Variants in CCDC88A observed in about 807,000 individuals in gnomAD.
CCDC88A encodes the protein girdin.
A neutral mutation model predicts 234.3 loss-of-function variants in CCDC88A; 54 were observed. The ratio of observed to expected loss-of-function variants is 0.23; its 90% CI spans 0.19 to 0.29. The LOEUF (loss-of-function observed/expected upper bound fraction) is 0.29. CCDC88A is among the 10% of genes least tolerant of loss of function. CCDC88A has a pLI of 1.00. For synonymous variants in CCDC88A, 753 were observed against 737.8 expected (o/e 1.02, Z -0.33); for missense variants, 1,832 against 2,123.4 (o/e 0.86, Z 2.70).
In CCDC88A at chr2:55,292,134, A is replaced by G. The variant is rs911044104; in HGVS notation, c.5552-359T>C. On this transcript the variant is annotated intron_variant, in intron 31 of 32. Transcript: ENST00000436346. ...GAATGAAGTATTTGTATTATTTACT[A>G]AGAAAACCAGGGCTTGATGCATATT... 4 of 163,316 alleles carry G rather than the reference A, an allele frequency of 2.4e-5. No individual in the cohort carries two copies. The East Asian group carries it at 5.2e-4, about 21-fold the overall frequency. 10.1% of individuals were successfully genotyped at this position (163,316 alleles called of 1,614,324 possible). A position where few individuals can be genotyped will look rare whatever the true frequency, so the allele number is the denominator to read the frequency against.
chr2:55,327,023 G>A (rs1406634960), intron 17 of CCDC88A, among the ~76,000 whole-genome samples: 3 of 152,140 alleles, frequency 2.0e-5, no homozygotes, highest in Admixed American at 2.0e-4. Flanking sequence ...CAACAAGCAG[G>A]TTAATGTGTT....
chr2:55,415,505 T>C (rs1449856151), intron 2 of CCDC88A, among the ~76,000 whole-genome samples: 1 of 152,186 alleles, frequency 6.6e-6, no homozygotes, highest in Non-Finnish European at 1.5e-5. Flanking sequence ...TCCAGCATTA[T>C]GGCCTTGAAA....
At chr2:55,380,156 A>C (rs1674362509) in intron 3 of CCDC88A, among the ~76,000 whole-genome samples, 1 of 151,370 alleles carries the variant, frequency 6.6e-6, no homozygotes, top group Non-Finnish European at 1.5e-5. Flanking sequence ...GAATCACTTG[A>C]ACTTGGGAGA....
intron 8 of CCDC88A, chr2:55,355,250 T>C (rs979290335): frequency 2.4e-5 from 6 of 246,144 alleles, no homozygotes; most frequent in Non-Finnish European, 3.9e-5. Flanking sequence ...ATTAGACTTA[T>C]TGATCTCCAT....
At chr2:55,337,516 G>C (rs1667947841) in intron 13 of CCDC88A, 1 of 152,116 alleles carries the variant, frequency 6.6e-6, no homozygotes, top group Non-Finnish European at 1.5e-5. Context: ...TCTACTGCAA[G>C]TTAAATGTTA....
chr2:55,301,571 T>G lies in CCDC88A; in HGVS notation c.4673-294A>C, dbSNP rs539789058. 33 of 513,216 alleles carry G rather than the reference T, an allele frequency of 6.4e-5. No homozygotes were observed. In the East Asian group the frequency reaches 9.8e-4, roughly 15 times the overall value. 31.8% of individuals were successfully genotyped at this position (513,216 alleles called of 1,614,324 possible). On this transcript the variant is annotated intron_variant, in intron 27 of 32. Coordinates refer to ENST00000436346, the MANE Select transcript of CCDC88A (RefSeq NM_001365480.1). The stretch of plus-strand genomic sequence containing the variant: ...TAGGTAGTTCTGTTGGAAGTTGTAG[T>G]GCTTTTAGTTTTTAGAAAACTAGCA...
chr2:55,383,818 C>T (rs1675009048), intron 3 of CCDC88A, among the ~76,000 whole-genome samples: 1 of 151,966 alleles, frequency 6.6e-6, no homozygotes, highest in South Asian at 2.1e-4. Context: ...TATTAACTTG[C>T]AATGTGTCAT....
At chr2:55,345,980 G>T in intron 10 of CCDC88A, 195 bp downstream of exon 10, 1 of 416,302 alleles carries the variant, frequency 2.4e-6, no homozygotes. Flanking sequence ...AATAAAATTA[G>T]TAATATCCAT....
Position 55,419,131 on chromosome 2 carries a change from G to A in CCDC88A, c.-52C>T. On this transcript the variant is annotated 5_prime_UTR_variant, in exon 1 of 33. Coordinates refer to ENST00000436346, the MANE Select transcript of CCDC88A (RefSeq NM_001365480.1). ...GAACTACCACAAAAATACGCCTAGG[G>A]AATTGGTCACTAAACGTGGAAGTAA... The A allele has an allele frequency of 9.3e-7, 1 of 1,080,304 alleles. No homozygotes were observed. The highest frequency in any genetic ancestry group is 2.4e-5 in the East Asian group (1 of 42,298). 66.9% of individuals were successfully genotyped at this position (1,080,304 alleles called of 1,614,324 possible).
In CCDC88A at chr2:55,317,984, T is replaced by C; in HGVS notation, c.3325-143A>G. The C allele has an allele frequency of 1.7e-6, 1 of 600,700 alleles. No homozygotes were observed. Among genetic ancestry groups the C allele is most frequent in the Non-Finnish European group, 2.8e-6 (1 of 359,484 alleles). The allele number at this position is 600,700 out of a possible 1,614,324, so 37.2% of individuals were successfully genotyped here. ...CATTATACTGGGAAGACGTGGATTT[T>C]AGCTTCCCAAAGAATAAGGCTATCA... is the stretch of plus-strand genomic sequence containing the variant. On this transcript the variant is annotated intron_variant, in intron 19 of 32. Coordinates refer to ENST00000436346, the MANE Select transcript of CCDC88A (RefSeq NM_001365480.1). This position sits in a 1 kb window ranked among gnomAD's most constrained non-coding sequence, Gnocchi z 4.2.
chr2:55,355,428 T>G lies in CCDC88A; in HGVS notation c.800+151A>C, dbSNP rs994855466. On this transcript the variant is annotated intron_variant, in intron 8 of 32. Coordinates refer to ENST00000436346, the MANE Select transcript of CCDC88A (RefSeq NM_001365480.1). ...CCTTTAAACTGTTAAGATTTAACAA[T>G]AGGAAAACCTTATGCCAACCTCCTT... is the stretch of plus-strand genomic sequence containing the variant. 4.6e-6 allele frequency: 3 copies of G among 656,080 alleles called. No individual in the cohort carries two copies. In the African/African-American group the frequency reaches 5.6e-5, roughly 12 times the overall value. 40.6% of individuals were successfully genotyped at this position (656,080 alleles called of 1,614,324 possible). A position where few individuals can be genotyped will look rare whatever the true frequency, so the allele number is the denominator to read the frequency against.
chr2:55,360,957 C>T (rs186874474), intron 7 of CCDC88A, among the ~76,000 whole-genome samples: 27 of 152,178 alleles, frequency 1.8e-4, no homozygotes, highest in African/African-American at 3.9e-4. Flanking sequence ...TGCGTGGTGG[C>T]GCGTGCCTGT....
chr2:55,346,652 T>C (rs6754036), intron 9 of CCDC88A, among the ~76,000 whole-genome samples: 9,232 of 152,162 alleles, frequency 0.061, 890 homozygotes, highest in African/African-American at 0.2. Context: ...ACTCCTGACC[T>C]CAGGTGATCC....
chr2:55,409,035 C>T (rs1680046834), intron 2 of CCDC88A, among the ~76,000 whole-genome samples: 1 of 152,138 alleles, frequency 6.6e-6, no homozygotes, highest in Admixed American at 6.5e-5. Flanking sequence ...AGTTTCTGAG[C>T]AGCTAAGCAT....
Position 55,316,008 on chromosome 2 carries a change from A to T in CCDC88A, c.3853T>A (p.Leu1285Ile). 1 of 1,590,778 alleles carries T rather than the reference A, an allele frequency of 6.3e-7. No individual in the cohort carries two copies. The highest frequency in any genetic ancestry group is 1.7e-4 in the Middle Eastern group (1 of 5,930). The part of the protein sequence containing the change: ...LNNSKLEQTR[L>I]EAEFSKLKEQ... ...TTTAGTTTTGAAAATTCAGCTTCTA[A>T]TCTTGTTTGTTCCAGTTTGGAATTA... The change falls in exon 22 of 33, where the codon TTA becomes ATA. Residue 1285 changes from leucine (L) to isoleucine (I), a missense_variant. By Grantham distance (5) the Leu-to-Ile change is conservative. Transcript: ENST00000436346.
intron 18 of CCDC88A, among the ~76,000 whole-genome samples, chr2:55,321,864 GATTA>G (rs1683674235): frequency 6.6e-6 from 1 of 151,426 alleles, no homozygotes; most frequent in South Asian, 2.1e-4. Flanking sequence ...ATGGTGTGGG[GATTA>G]ATTTTTGGTT....
intron 2 of CCDC88A, among the ~76,000 whole-genome samples, chr2:55,414,187 C>T (rs978751636): frequency 6.6e-6 from 1 of 152,068 alleles, no homozygotes; most frequent in Non-Finnish European, 1.5e-5. Context: ...ACTTAAAATC[C>T]TAAGACATCC....
chr2:55,365,525 T>A (rs1416759621), intron 5 of CCDC88A, among the ~76,000 whole-genome samples: 1 of 152,162 alleles, frequency 6.6e-6, no homozygotes. Flanking sequence ...ACTAAATAGA[T>A]ATACTTCCCT....
At chr2:55,403,477 GAGA>G (rs1679061151) in intron 2 of CCDC88A, 1 of 152,166 alleles carries the variant, frequency 6.6e-6, no homozygotes, top group South Asian at 2.1e-4. Flanking sequence ...AGTGTGTAAC[GAGA>G]AGAATACAAT....
Sources: gnomAD v4.1 joint callset for allele counts (sites outside exome capture counted in the v4.1 genomes callset) on GRCh38, gnomAD v4.1.1 for gene constraint, Gnocchi (gnomAD v3.1) non-coding constraint, MANE v1.5 for transcripts, NCBI Gene and HGNC (gene_info 2026-07-23, HGNC 2026-07-21) for gene names.